The following PDE4D variants were observed in gnomAD, a reference collection of about 807,000 sequenced individuals.
PDE4D encodes phosphodiesterase 4D.
Under a neutral mutation model 87.4 loss-of-function variants are expected in PDE4D, and 24 were observed. The observed-to-expected ratio is 0.27, with a 90% CI of 0.20 to 0.39. The LOEUF is 0.39. Ranked by LOEUF, PDE4D falls within the 10% of genes least tolerant of loss-of-function variation. The probability of loss-of-function intolerance (pLI) is 1.00; values close to 1 mark genes in which losing one functional copy is unlikely to be tolerated. For synonymous variants in PDE4D, 384 were observed against 383.2 expected, an observed-to-expected ratio of 1.00 and a Z score of -0.02; for missense variants, 714 against 1,041.0, an observed-to-expected ratio of 0.69 and a Z score of 4.32.
At chr5:59,352,342 C>T (rs1292453229) in intron 1 of PDE4D, among the ~76,000 whole-genome samples, 1 of 152,170 alleles carries the variant, frequency 6.6e-6, no homozygotes, top group African/African-American at 2.4e-5. Context: ...CTAAAAACAA[C>T]AGCTGTCACA....
At chr5:59,466,305 T>C (rs1373138818) in intron 1 of PDE4D, among the ~76,000 whole-genome samples, 1 of 152,244 alleles carries the variant, frequency 6.6e-6, no homozygotes, top group Non-Finnish European at 1.5e-5. Flanking sequence ...GCTCACCCAA[T>C]CTGCTACCTT....
chr5:60,172,156 G>GT (rs1471727371), intron 2 of PDE4D, among the ~76,000 whole-genome samples: 1 of 146,928 alleles, frequency 6.8e-6, no homozygotes, highest in East Asian at 2.0e-4. Flanking sequence ...ACACACACAT[G>GT]TTGGCATTTG....
At chr5:60,373,079 C>T (rs1054727453) in intron 1 of PDE4D, among the ~76,000 whole-genome samples, 1 of 152,134 alleles carries the variant, frequency 6.6e-6, no homozygotes, top group Non-Finnish European at 1.5e-5. Context: ...CACTCAGAAC[C>T]GTGAAAATAC....
chr5:60,329,790 C>T (rs2149864983), intron 1 of PDE4D, among the ~76,000 whole-genome samples: 1 of 152,068 alleles, frequency 6.6e-6, no homozygotes, highest in Admixed American at 6.6e-5. Context: ...AGTTGTTTGT[C>T]CTCTATGATT....
At chr5:60,515,060 A>T (rs1264006792) in intron 1 of PDE4D, among the ~76,000 whole-genome samples, 1 of 152,184 alleles carries the variant, frequency 6.6e-6, no homozygotes, top group Non-Finnish European at 1.5e-5. Context: ...AATTTGCAAC[A>T]GCATCAAAAA....
chr5:60,250,494 C>T (rs972132908), intron 1 of PDE4D, among the ~76,000 whole-genome samples: 3 of 151,886 alleles, frequency 2.0e-5, no homozygotes, highest in African/African-American at 2.4e-5. Flanking sequence ...CATATAATGA[C>T]ATTTAGGTCA....
chr5:60,431,880 G>A (rs1047805287), intron 1 of PDE4D, among the ~76,000 whole-genome samples: 45 of 152,336 alleles, frequency 3.0e-4, no homozygotes, highest in African/African-American at 9.9e-4. Context: ...AGACCAGCCC[G>A]GCCAACACAG....
intron 1 of PDE4D, among the ~76,000 whole-genome samples, chr5:59,822,422 G>T (rs1298026859): frequency 6.6e-6 from 1 of 151,958 alleles, no homozygotes; most frequent in Non-Finnish European, 1.5e-5. Flanking sequence ...TTTTTAAGGA[G>T]AATTTTTATT....
At chr5:59,770,377 A>G (rs1477388810) in intron 1 of PDE4D, among the ~76,000 whole-genome samples, 1 of 152,212 alleles carries the variant, frequency 6.6e-6, no homozygotes, top group Non-Finnish European at 1.5e-5. Flanking sequence ...AAAACATACC[A>G]GAACAACTGG....
intron 1 of PDE4D, among the ~76,000 whole-genome samples, chr5:59,603,165 G>A (rs1217197491): frequency 1.3e-5 from 2 of 151,812 alleles, no homozygotes; most frequent in African/African-American, 2.4e-5. Context: ...ATTGCATCAA[G>A]CTAAAAAGCT....
intron 5 of PDE4D, among the ~76,000 whole-genome samples, chr5:59,055,763 T>G (rs1434571979): frequency 6.6e-6 from 1 of 152,184 alleles, no homozygotes; most frequent in African/African-American, 2.4e-5. Flanking sequence ...CAAGGAGCCT[T>G]TTCTATAGAC....
At chr5:59,343,826 T>C (rs902414449) in intron 1 of PDE4D, among the ~76,000 whole-genome samples, 5 of 152,142 alleles carry the variant, frequency 3.3e-5, no homozygotes, top group African/African-American at 1.2e-4. Context: ...TGAGGACCCA[T>C]GAAGTTAAGG....
At chr5:59,654,200 G>C (rs1277780729) in intron 1 of PDE4D, among the ~76,000 whole-genome samples, 1 of 152,000 alleles carries the variant, frequency 6.6e-6, no homozygotes, top group Non-Finnish European at 1.5e-5. Context: ...GCCAGACCAA[G>C]TCTCAAATAA....
intron 1 of PDE4D, among the ~76,000 whole-genome samples, chr5:60,437,879 T>C (rs1744885106): frequency 2.0e-5 from 3 of 152,146 alleles, no homozygotes; most frequent in Non-Finnish European, 4.4e-5. Flanking sequence ...GATGAATTTT[T>C]ATTTCTACTT....
chr5:60,102,400 T>C (rs562030982), intron 2 of PDE4D, among the ~76,000 whole-genome samples: 2 of 152,270 alleles, frequency 1.3e-5, no homozygotes, highest in East Asian at 3.9e-4. Context: ...CTTTCAAACA[T>C]CCTGCCAGCT....
At chr5:59,541,309 G>C (rs996239619) in intron 1 of PDE4D, among the ~76,000 whole-genome samples, 1 of 152,134 alleles carries the variant, frequency 6.6e-6, no homozygotes, top group East Asian at 1.9e-4. Flanking sequence ...TGACACCAAA[G>C]TTCATAAATT....
At chr5:60,199,529 C>A (rs1198943430) in intron 1 of PDE4D, among the ~76,000 whole-genome samples, 1 of 151,644 alleles carries the variant, frequency 6.6e-6, no homozygotes, top group African/African-American at 2.4e-5. Context: ...ATGGCAATTT[C>A]TTTTCTAAGG....
chr5:59,661,097 T>TATATATATATATATATATA (rs1561426172), intron 1 of PDE4D, among the ~76,000 whole-genome samples: 3 of 147,806 alleles, frequency 2.0e-5, no homozygotes, highest in African/African-American at 7.4e-5. Flanking sequence ...TATATATATA[T>TATATATATATATATATATA]TTTGTCATCT....
In PDE4D at chr5:58,972,473, A is replaced by G. The variant is rs1490343422; in HGVS notation, c.*2191T>C. The G allele has an allele frequency of 6.6e-6, 1 of 152,370 alleles. No individual in the cohort carries two copies. Among genetic ancestry groups the G allele is most frequent in the Non-Finnish European group, 1.5e-5 (1 of 68,020 alleles). The allele number at this position is 152,370 out of a possible 1,614,324, so 9.4% of individuals were successfully genotyped here. On this transcript the variant is annotated 3_prime_UTR_variant, in exon 15 of 15. Coordinates refer to ENST00000340635, the MANE Select transcript of PDE4D (RefSeq NM_001104631.2). ...ATCAGCTAGATCTCAGGGGACTGAA[A>G]TGGGGACTCTCTTCAGCATGAGTCA...
Sources: allele counts gnomAD v4.1 joint callset (sites outside exome capture counted in the v4.1 genomes callset), GRCh38; gene constraint gnomAD v4.1.1; transcripts MANE v1.5; gene names NCBI Gene and HGNC (gene_info 2026-07-23, HGNC 2026-07-21).